ROBO1: variants seen among roughly 807,000 people sequenced by gnomAD.
ROBO1 encodes roundabout homolog 1.
Under a neutral mutation model 195.9 loss-of-function variants are expected in ROBO1, and 149 were observed. That is an observed-to-expected ratio of 0.76 (90% CI 0.67 to 0.87). ROBO1 has a LOEUF of 0.87. Among genes scored for constraint, ROBO1 ranks in the 40% least tolerant of loss-of-function variants. ROBO1 has a pLI of 0.00. For synonymous variants in ROBO1, 816 were observed against 733.2 expected (o/e 1.11, Z -1.82); for missense variants, 1,933 against 2,068.3 (o/e 0.93, Z 1.27).
intron 2 of ROBO1, among the ~76,000 whole-genome samples, chr3:79,442,653 C>T (rs1158343078): frequency 6.6e-6 from 1 of 151,954 alleles, no homozygotes; most frequent in Admixed American, 6.6e-5. Context: ...CAGTTGGCCA[C>T]CAACCACAAA....
chr3:78,894,548 A>T (rs997863631), intron 4 of ROBO1, among the ~76,000 whole-genome samples: 1 of 152,218 alleles, frequency 6.6e-6, no homozygotes, highest in African/African-American at 2.4e-5. Flanking sequence ...TGAAACGAAG[A>T]CCAATAACAA....
chr3:79,058,028 G>A (rs988109688), intron 3 of ROBO1, among the ~76,000 whole-genome samples: 1 of 151,996 alleles, frequency 6.6e-6, no homozygotes, highest in African/African-American at 2.4e-5. Flanking sequence ...GAGGAACCGG[G>A]ACATTTGGTC....
At chr3:79,675,183 T>C (rs1946748437) in intron 1 of ROBO1, among the ~76,000 whole-genome samples, 1 of 151,928 alleles carries the variant, frequency 6.6e-6, no homozygotes, top group African/African-American at 2.4e-5. Flanking sequence ...TCGGTGTGTA[T>C]GAGCCTATAC....
chr3:79,551,345 C>G lies in ROBO1; in HGVS notation c.88+38479G>C, dbSNP rs573088551. ...AAAGCTATCCTTCCCCCCTCCCCCA[C>G]CCCACAACTATCACAAGGATACACT... On this transcript the variant is annotated intron_variant, in intron 2 of 30. Transcript: ENST00000464233. 2.3e-4 allele frequency among the ~76,000 whole-genome samples: 35 copies of G among 151,530 alleles called. No homozygotes were observed. In the South Asian group the frequency reaches 7.1e-3, roughly 31 times the overall value.
At chr3:79,041,309 T>G (rs1045162670) in intron 3 of ROBO1, among the ~76,000 whole-genome samples, 2 of 152,210 alleles carry the variant, frequency 1.3e-5, no homozygotes, top group Admixed American at 1.3e-4. Context: ...AAATCTTGAA[T>G]GACTAAGACA....
At chr3:79,120,442 A>G (rs1041655875) in intron 3 of ROBO1, among the ~76,000 whole-genome samples, 4 of 152,210 alleles carry the variant, frequency 2.6e-5, no homozygotes, top group African/African-American at 9.6e-5. Flanking sequence ...GAATATCACA[A>G]GCACATCCTA....
chr3:79,229,216 T>C (rs1451987902), intron 2 of ROBO1, among the ~76,000 whole-genome samples: 1 of 152,178 alleles, frequency 6.6e-6, no homozygotes, highest in Non-Finnish European at 1.5e-5. Context: ...ATTTTAATAA[T>C]GTTTGGTAGA....
chr3:79,414,545 G>A (rs1374194267), intron 2 of ROBO1, among the ~76,000 whole-genome samples: 1 of 151,930 alleles, frequency 6.6e-6, no homozygotes, highest in South Asian at 2.1e-4. Context: ...TTGGTAATTA[G>A]TATTAGAAGA....
chr3:79,471,196 A>G (rs1938252295), intron 2 of ROBO1, among the ~76,000 whole-genome samples: 1 of 152,200 alleles, frequency 6.6e-6, no homozygotes, highest in Admixed American at 6.6e-5. Context: ...AAAGCTATAC[A>G]ACCACTGGAA....
intron 4 of ROBO1, among the ~76,000 whole-genome samples, chr3:78,864,718 G>A (rs1038253964): frequency 6.6e-6 from 1 of 150,840 alleles, no homozygotes; most frequent in African/African-American, 2.4e-5. Context: ...ATATACACAT[G>A]TGTGTATATA....
At chr3:79,301,971 C>T (rs868323768) in intron 2 of ROBO1, among the ~76,000 whole-genome samples, 1 of 152,182 alleles carries the variant, frequency 6.6e-6, no homozygotes, top group Admixed American at 6.5e-5. Context: ...TCTACCCACT[C>T]ACCCACCAGC....
intron 2 of ROBO1, among the ~76,000 whole-genome samples, chr3:79,150,202 C>A (rs1345432343): frequency 1.3e-5 from 2 of 148,690 alleles, no homozygotes; most frequent in Non-Finnish European, 3.0e-5. Flanking sequence ...GGTGGTTTGC[C>A]TTGTGACCTC....
chr3:79,314,842 T>A (rs2033661858), intron 2 of ROBO1, among the ~76,000 whole-genome samples: 1 of 152,326 alleles, frequency 6.6e-6, no homozygotes, highest in African/African-American at 2.4e-5. Context: ...AGGAAAGATA[T>A]CCAGAGTTTG....
chr3:78,901,587 T>C (rs1261023412), intron 4 of ROBO1, among the ~76,000 whole-genome samples: 1 of 152,196 alleles, frequency 6.6e-6, no homozygotes, highest in African/African-American at 2.4e-5. Flanking sequence ...CAGAAAGCTT[T>C]TAAAATTATT....
At chr3:79,753,408 C>A (rs374938168) in intron 1 of ROBO1, among the ~76,000 whole-genome samples, 13 of 152,134 alleles carry the variant, frequency 8.5e-5, no homozygotes, top group African/African-American at 3.1e-4. Context: ...AGAAGTCAGA[C>A]AAAATAGGGT....
At chr3:78,655,066 A>G (rs1419946180) in intron 18 of ROBO1, among the ~76,000 whole-genome samples, 1 of 152,202 alleles carries the variant, frequency 6.6e-6, no homozygotes, top group East Asian at 1.9e-4. Flanking sequence ...TGCTTGAAAC[A>G]AACCAGGAGC....
At position 78,792,864 on chromosome 3, in the gene ROBO1, C is replaced by A. The variant is rs116663583; in HGVS notation, c.500-45964G>T. The stretch of plus-strand genomic sequence containing the variant: ...CCTGTAATCACAGCACTTTGGAAGG[C>A]GAAGGTGGGAGGATCACTTGTGCTC... On this transcript the variant is annotated intron_variant, in intron 4 of 30. Transcript: ENST00000464233. Among the ~76,000 whole-genome samples, 14 of 152,082 alleles carry A rather than the reference C, an allele frequency of 9.2e-5. No individual in the cohort carries two copies. The East Asian group carries it at 1.4e-3, about 15-fold the overall frequency.
At chr3:79,694,127 T>C (rs1947373605) in intron 1 of ROBO1, among the ~76,000 whole-genome samples, 1 of 151,802 alleles carries the variant, frequency 6.6e-6, no homozygotes, top group South Asian at 2.1e-4. Context: ...TTAAGATTCA[T>C]AAAGTCTTCA....
chr3:79,482,329 T>C (rs1938907249), intron 2 of ROBO1, among the ~76,000 whole-genome samples: 1 of 152,186 alleles, frequency 6.6e-6, no homozygotes, highest in Non-Finnish European at 1.5e-5. Context: ...GTGGCTCCCA[T>C]AATTCCTATG....
Sources: gnomAD v4.1 joint callset for allele counts (sites outside exome capture counted in the v4.1 genomes callset) on GRCh38, gnomAD v4.1.1 for gene constraint, MANE v1.5 for transcripts, NCBI Gene and HGNC (gene_info 2026-07-23, HGNC 2026-07-21) for gene names.